CSNK1E: variants seen among roughly 807,000 people sequenced by gnomAD.
CSNK1E encodes casein kinase 1 epsilon.
Under a neutral mutation model 46.1 loss-of-function variants are expected in CSNK1E, and 17 were observed. That is an observed-to-expected ratio of 0.37 (90% confidence interval 0.25 to 0.55). The LOEUF is 0.55. Among genes scored for constraint, CSNK1E ranks in the 20% least tolerant of loss-of-function variants. The pLI is 0.82. For missense variants in CSNK1E, 386 were observed against 595.4 expected (o/e 0.65, Z 3.66); for synonymous variants, 241 against 242.6 (o/e 0.99, Z 0.06).
At chr22:38,301,226 A>G (rs943487001) in intron 4 of CSNK1E, among the ~76,000 whole-genome samples, 16 of 152,242 alleles carry the variant, frequency 1.1e-4, no homozygotes, top group African/African-American at 3.1e-4. Context: ...AGAGTCTGCT[A>G]GAAAGGCAAC....
chr22:38,310,770 A>G (rs1352404698), intron 2 of CSNK1E, among the ~76,000 whole-genome samples: 1 of 152,232 alleles, frequency 6.6e-6, no homozygotes. Context: ...AGCCACATCC[A>G]TAGTGTGCTG....
In CSNK1E at chr22:38,303,693, A is replaced by G. The variant is rs762216657; in HGVS notation, c.77-445T>C. On this transcript the variant is annotated intron_variant, in intron 2 of 10. Transcript: ENST00000396832. The surrounding 1 kb of genome is among the most constrained non-coding windows in gnomAD (Gnocchi z 4.7). ...ACAAGCCAGGACCACCCTGGCCTAC[A>G]GGATGAGGATGGGACAGCCGCAGCA... 1.3e-5 allele frequency among the ~76,000 whole-genome samples: 2 copies of G among 152,194 alleles called. No homozygotes were observed. Among genetic ancestry groups the G allele is most frequent in the Non-Finnish European group, 2.9e-5 (2 of 68,024 alleles).
rs1013556437 is a variant in CSNK1E, at chr22:38,291,827, G to A, written c.*144C>T. ...TCTTGCCATTGGCAAAGAAATCAAA[G>A]AAACAAACTCCATCGTCGGTTTTGT... On this transcript the variant is annotated 3_prime_UTR_variant, in exon 11 of 11. Coordinates refer to ENST00000396832, the MANE Select transcript of CSNK1E (RefSeq NM_152221.3). The A allele has an allele frequency of 2.6e-5, 4 of 151,020 alleles. No individual in the cohort carries two copies. Among genetic ancestry groups the A allele is most frequent in the Non-Finnish European group, 4.4e-5 (3 of 67,720 alleles). 9.4% of individuals were successfully genotyped at this position (151,020 alleles called of 1,614,324 possible). A position where few individuals can be genotyped will look rare whatever the true frequency, so the allele number is the denominator to read the frequency against.
At position 38,312,245 on chromosome 22, in the gene CSNK1E, T is replaced by C. The variant is rs1323930249; in HGVS notation, c.76+1837A>G. Among the ~76,000 whole-genome samples the C allele has an allele frequency of 3.3e-5, 5 of 152,244 alleles. No homozygotes were observed. In the East Asian group the frequency reaches 9.6e-4, roughly 29 times the overall value. On this transcript the variant is annotated intron_variant, in intron 2 of 10. Coordinates refer to ENST00000396832, the MANE Select transcript of CSNK1E (RefSeq NM_152221.3). ...CTGAGATTACAGGCGCGTGCCGCCA[T>C]GCCCAGCTACTTTTTATATTTTTCT...
upstream of CSNK1E, chr22:38,318,047 CTG>C (rs1424182222): frequency 1.3e-5 from 2 of 152,194 alleles, no homozygotes; most frequent in Admixed American, 6.5e-5. Context: ...GAAGCTCAAA[CTG>C]TGATGGGCAC....
At chr22:38,292,050 G>C (rs1273694391) in intron 10 of CSNK1E, 112 bp from the exon 11 acceptor site, 1 of 150,966 alleles carries the variant, frequency 6.6e-6, no homozygotes, top group African/African-American at 2.4e-5. Context: ...GCAGTGGCAC[G>C]ATCTCGGCTC....
intron 4 of CSNK1E, 24 bp downstream of exon 4, chr22:38,302,837 G>A (rs766364778): frequency 5.0e-6 from 8 of 1,612,902 alleles, no homozygotes; most frequent in Non-Finnish European, 5.1e-6. Flanking sequence ...CATCTGGCTG[G>A]GGATGGAGGG....
chr22:38,297,778 T>C, intron 7 of CSNK1E: 1 of 998,268 alleles, frequency 1.0e-6, no homozygotes. Flanking sequence ...TTTTCCACCA[T>C]GGCCTCCACT....
rs147741705 is a variant in CSNK1E, at chr22:38,298,450, C to T, written c.885+336G>A. 9.7e-4 allele frequency: 365 copies of T among 378,116 alleles called. 3 individuals carry two copies. Among genetic ancestry groups the T allele is most frequent in the African/African-American group, 7.2e-3 (342 of 47,650 alleles). 23.4% of individuals were successfully genotyped at this position (378,116 alleles called of 1,614,324 possible). A position where few individuals can be genotyped will look rare whatever the true frequency, so the allele number is the denominator to read the frequency against. On this transcript the variant is annotated intron_variant, in intron 7 of 10. Coordinates refer to ENST00000396832, the MANE Select transcript of CSNK1E (RefSeq NM_152221.3). The surrounding 1 kb of genome is among the most constrained non-coding windows in gnomAD (Gnocchi z 4.2). ...CCTGGGATGTGCAGAACAGGAGCAG[C>T]AGGACGGTGTAGGCAGCAATCAGGG...
At chr22:38,316,932 C>G (rs2092749711) in intron 1 of CSNK1E, 1 of 152,074 alleles carries the variant, frequency 6.6e-6, no homozygotes, top group East Asian at 2.0e-4. Flanking sequence ...GGGGCCTCCC[C>G]CGCGAGCCTG....
chr22:38,308,403 C>T (rs1271394854), intron 2 of CSNK1E, among the ~76,000 whole-genome samples: 2 of 152,036 alleles, frequency 1.3e-5, no homozygotes, highest in Admixed American at 1.3e-4. Flanking sequence ...GCTCCATTTC[C>T]CCATGAGCAG....
intron 2 of CSNK1E, among the ~76,000 whole-genome samples, chr22:38,307,840 C>T (rs1278631951): frequency 6.6e-6 from 1 of 152,164 alleles, no homozygotes; most frequent in Non-Finnish European, 1.5e-5. Flanking sequence ...GGACTACAGG[C>T]GCAAGCCACC....
At chr22:38,311,194 C>A (rs928275068) in intron 2 of CSNK1E, among the ~76,000 whole-genome samples, 1 of 152,178 alleles carries the variant, frequency 6.6e-6, no homozygotes, top group Admixed American at 6.5e-5. Context: ...TTACACGCCA[C>A]GACCTCATTA....
At chr22:38,295,999 G>A (rs936216746) in intron 7 of CSNK1E, among the ~76,000 whole-genome samples, 2 of 152,254 alleles carry the variant, frequency 1.3e-5, no homozygotes, top group African/African-American at 4.8e-5. Flanking sequence ...CTGTGAGGCA[G>A]GTCAATCTCA....
chr22:38,305,917 T>C (rs1442780833), intron 2 of CSNK1E, among the ~76,000 whole-genome samples: 1 of 152,104 alleles, frequency 6.6e-6, no homozygotes, highest in African/African-American at 2.4e-5. Flanking sequence ...TTACCTGACA[T>C]CCTAGCACGG....
At chr22:38,306,368 G>A (rs893749024) in intron 2 of CSNK1E, among the ~76,000 whole-genome samples, 9 of 152,164 alleles carry the variant, frequency 5.9e-5, no homozygotes, top group Admixed American at 5.2e-4. Context: ...CTCTCCAATT[G>A]AGTCACTCAA....
intron 1 of CSNK1E, among the ~76,000 whole-genome samples, chr22:38,316,354 G>A (rs1383633648): frequency 2.0e-5 from 3 of 152,178 alleles, no homozygotes; most frequent in Non-Finnish European, 4.4e-5. Context: ...AGCAACTTGA[G>A]ACACTTGTGT....
chr22:38,299,508 G>A (rs2092659558), intron 6 of CSNK1E, among the ~76,000 whole-genome samples: 1 of 152,250 alleles, frequency 6.6e-6, no homozygotes, highest in Non-Finnish European at 1.5e-5. Context: ...GGGCTGTGGG[G>A]CAGCCCAGTG....
intron 1 of CSNK1E, among the ~76,000 whole-genome samples, chr22:38,315,204 G>C (rs957315813): frequency 6.6e-6 from 1 of 152,216 alleles, no homozygotes; most frequent in Non-Finnish European, 1.5e-5. Flanking sequence ...CTCACAAACA[G>C]GGCAAAACAG....
Sources: gnomAD v4.1 joint callset for allele counts (sites outside exome capture counted in the v4.1 genomes callset) on GRCh38, gnomAD v4.1.1 for gene constraint, Gnocchi (gnomAD v3.1) non-coding constraint, MANE v1.5 for transcripts, NCBI Gene and HGNC (gene_info 2026-07-23, HGNC 2026-07-21) for gene names.